Variants in GRIN2A observed in about 807,000 individuals in gnomAD.
GRIN2A encodes glutamate ionotropic receptor NMDA type subunit 2A.
Under a neutral mutation model 113.4 loss-of-function variants are expected in GRIN2A, and 22 were observed. The ratio of observed to expected loss-of-function variants is 0.19; its 90% CI spans 0.14 to 0.28. The LOEUF (loss-of-function observed/expected upper bound fraction) is 0.28, where lower values mean the gene tolerates loss of function less well. GRIN2A is among the 10% of genes least tolerant of loss of function. The probability of loss-of-function intolerance (pLI) is 1.00; values close to 1 mark genes in which losing one functional copy is unlikely to be tolerated. For synonymous variants in GRIN2A, 827 were observed against 738.4 expected (o/e 1.12, Z -1.94); for missense variants, 1,502 against 1,887.0 (o/e 0.80, Z 3.78).
Position 9,756,869 on chromosome 16 carries a change from T to A in GRIN2A, c.*6280A>T, listed in dbSNP as rs1900369207. 2 of 184,380 alleles carry A rather than the reference T, an allele frequency of 1.1e-5. No homozygotes were observed. The highest frequency in any genetic ancestry group is 2.3e-5 in the Non-Finnish European group (2 of 86,890). 11.4% of individuals were successfully genotyped at this position (184,380 alleles called of 1,614,324 possible). On this transcript the variant is annotated 3_prime_UTR_variant, in exon 13 of 13. Transcript: ENST00000330684. The stretch of plus-strand genomic sequence containing the variant: ...CATCCTTCCTGAAATACACCTCTAT[T>A]CCTTTTGCCATCTCTTTGCCCCGTT...
chr16:9,878,182 T>C (rs2043409353), intron 4 of GRIN2A, among the ~76,000 whole-genome samples: 1 of 152,134 alleles, frequency 6.6e-6, no homozygotes, highest in African/African-American at 2.4e-5. Context: ...TCCTTAACAA[T>C]TTGGGTTTGC....
intron 4 of GRIN2A, among the ~76,000 whole-genome samples, chr16:9,850,858 T>G (rs904634895): frequency 3.3e-5 from 5 of 152,186 alleles, no homozygotes; most frequent in Admixed American, 2.6e-4. Flanking sequence ...TTAATTTTAT[T>G]TGACAGCTTA....
chr16:9,842,924 C>T (rs55943631), intron 5 of GRIN2A, among the ~76,000 whole-genome samples: 44,558 of 149,712 alleles, frequency 0.3, 7,160 homozygotes, highest in African/African-American at 0.42. Context: ...GAATGTGACT[C>T]TGTCGAGAGA....
At chr16:9,865,917 C>G (rs919904158) in intron 4 of GRIN2A, among the ~76,000 whole-genome samples, 1 of 152,178 alleles carries the variant, frequency 6.6e-6, no homozygotes, top group Non-Finnish European at 1.5e-5. Context: ...GTGAGTGTCC[C>G]TAAATAAAGC....
intron 2 of GRIN2A, among the ~76,000 whole-genome samples, chr16:10,095,772 G>A (rs899669447): frequency 5.3e-5 from 8 of 151,938 alleles, no homozygotes; most frequent in South Asian, 2.1e-4. Flanking sequence ...CCTTAACCAC[G>A]GAGTCAAAAT....
At chr16:10,067,665 G>T (rs1287534888) in intron 2 of GRIN2A, among the ~76,000 whole-genome samples, 1 of 152,156 alleles carries the variant, frequency 6.6e-6, no homozygotes, top group Non-Finnish European at 1.5e-5. Flanking sequence ...GGCAGGGATT[G>T]GAGTAGAAGC....
At chr16:9,912,929 C>T (rs920798584) in intron 3 of GRIN2A, among the ~76,000 whole-genome samples, 5 of 152,210 alleles carry the variant, frequency 3.3e-5, no homozygotes, top group African/African-American at 1.2e-4. Flanking sequence ...ATAGTCTCCA[C>T]ATAGAAGAGT....
chr16:10,032,675 G>A (rs1266436796), intron 2 of GRIN2A, among the ~76,000 whole-genome samples: 6 of 152,158 alleles, frequency 3.9e-5, no homozygotes, highest in Non-Finnish European at 8.8e-5. Flanking sequence ...CCTAGAAAGT[G>A]GTGGATTCAG....
chr16:9,840,325 G>A (rs2042651341), intron 7 of GRIN2A, among the ~76,000 whole-genome samples: 1 of 151,900 alleles, frequency 6.6e-6, no homozygotes, highest in Non-Finnish European at 1.5e-5. Context: ...ATAATATAAT[G>A]AGAGCCCCTT....
chr16:9,796,213 A>G (rs1902972667), intron 11 of GRIN2A, among the ~76,000 whole-genome samples: 1 of 152,230 alleles, frequency 6.6e-6, no homozygotes, highest in Non-Finnish European at 1.5e-5. Context: ...ACAGATACCT[A>G]TCACATTTAA....
intron 2 of GRIN2A, among the ~76,000 whole-genome samples, chr16:9,956,687 T>C (rs1028828305): frequency 3.9e-5 from 6 of 152,188 alleles, no homozygotes; most frequent in African/African-American, 9.7e-5. Context: ...ACGTGTAAAA[T>C]TGCCATTGAA....
intron 8 of GRIN2A, among the ~76,000 whole-genome samples, chr16:9,832,825 T>C (rs1331985727): frequency 2.0e-5 from 3 of 152,174 alleles, no homozygotes; most frequent in African/African-American, 7.2e-5. Flanking sequence ...ATTTATGGCA[T>C]TGTTTAGTAT....
Position 9,754,824 on chromosome 16 carries a change from G to T in GRIN2A, c.*8325C>A, listed in dbSNP as rs1383942706. 1 of 221,730 alleles carries T rather than the reference G, an allele frequency of 4.5e-6. No homozygotes were observed. The highest frequency in any genetic ancestry group is 9.0e-6 in the Non-Finnish European group (1 of 110,968). 13.7% of individuals were successfully genotyped at this position (221,730 alleles called of 1,614,324 possible). A position where few individuals can be genotyped will look rare whatever the true frequency, so the allele number is the denominator to read the frequency against. ...AATGTTTTCGTATTTCTGGATCTTC[G>T]CTCTTTGCTCAGTTATCAATAGTCT... is the stretch of plus-strand genomic sequence containing the variant. On this transcript the variant is annotated 3_prime_UTR_variant, in exon 13 of 13. Transcript: ENST00000330684.
At chr16:10,064,741 T>C (rs1009493920) in intron 2 of GRIN2A, among the ~76,000 whole-genome samples, 1 of 152,230 alleles carries the variant, frequency 6.6e-6, no homozygotes, top group Non-Finnish European at 1.5e-5. Context: ...TGACTCTTAC[T>C]TGCATAGTCT....
rs1041478696 is a variant in GRIN2A at position 10,101,459 on chromosome 16, G to A, written c.414+78539C>T. On this transcript the variant is annotated intron_variant, in intron 2 of 12. Transcript: ENST00000330684. ...GAAAACCTCCGAGCGCCGTGGAAGA[G>A]AACAGTCTGATTAAGTTGGCTCAAA... Among the ~76,000 whole-genome samples, 21 of 152,194 alleles carry A rather than the reference G, an allele frequency of 1.4e-4. 1 individual carries two copies. The highest frequency in any genetic ancestry group is 4.6e-4 in the African/African-American group (19 of 41,452).
Position 9,791,430 on chromosome 16 carries a change from T to G in GRIN2A, c.2356+6847A>C, listed in dbSNP as rs1902599290. On this transcript the variant is annotated intron_variant, in intron 11 of 12. Transcript: ENST00000330684. ...AAAAATATTCAGGGGTAAGGGGCATTCAAGGATTTCCCCAGTCCACACTGT... is the reference window on the plus strand; with the variant it reads ...AAAAATATTCAGGGGTAAGGGGCATGCAAGGATTTCCCCAGTCCACACTGT... Among the ~76,000 whole-genome samples, 5 of 152,234 alleles carry G rather than the reference T, an allele frequency of 3.3e-5. No individual in the cohort carries two copies. In the South Asian group the frequency reaches 1.0e-3, roughly 32 times the overall value.
chr16:10,179,893 C>CCCCAAACAAAAAAAAAAAAT, intron 2 of GRIN2A, 105 bp downstream of exon 2: 1 of 719,818 alleles, frequency 1.4e-6, no homozygotes, highest in Non-Finnish European at 2.4e-6. Context: ...CCCCCACCCC[C>CCCCAAACAAAAAAAAAAAAT]ACTTCACATC....
chr16:10,059,720 G>T, intron 2 of GRIN2A, among the ~76,000 whole-genome samples: 1 of 118,240 alleles, frequency 8.5e-6, no homozygotes, highest in Non-Finnish European at 1.8e-5. Flanking sequence ...CATCGTGACC[G>T]AAAAAAAAAA....
Position 9,783,565 on chromosome 16 carries a change from T to G in GRIN2A, c.2357-14476A>C, listed in dbSNP as rs1217197242. 2.0e-5 allele frequency among the ~76,000 whole-genome samples: 3 copies of G among 152,220 alleles called. No homozygotes were observed. In the East Asian group the frequency reaches 5.8e-4, roughly 29 times the overall value. On this transcript the variant is annotated intron_variant, in intron 11 of 12. Transcript: ENST00000330684. Reference sequence around the variant, plus strand: ...ATATCTCCTATGTTCTTTATTGTGGTTGGCATGTGGACTAACGCTTAGAAG... The same window carrying G: ...ATATCTCCTATGTTCTTTATTGTGGGTGGCATGTGGACTAACGCTTAGAAG...
Sources: gnomAD v4.1 joint callset for allele counts (sites outside exome capture counted in the v4.1 genomes callset) on GRCh38, gnomAD v4.1.1 for gene constraint, MANE v1.5 for transcripts, NCBI Gene and HGNC (gene_info 2026-07-23, HGNC 2026-07-21) for gene names.